SLC7A1: variants seen among roughly 807,000 people sequenced by gnomAD.
The protein encoded by SLC7A1 is high affinity cationic amino acid transporter 1.
Under a neutral mutation model 53.9 loss-of-function variants are expected in SLC7A1, and 10 were observed. The ratio of observed to expected loss-of-function variants is 0.19; its 90% CI spans 0.11 to 0.31. The LOEUF (loss-of-function observed/expected upper bound fraction) is 0.31. Ranked by LOEUF, SLC7A1 falls within the 10% of genes least tolerant of loss-of-function variation. The pLI is 1.00. For synonymous variants in SLC7A1, 342 were observed against 338.7 expected (o/e 1.01, Z -0.11); for missense variants, 525 against 827.2 (o/e 0.63, Z 4.48).
intron 1 of SLC7A1, among the ~76,000 whole-genome samples, chr13:29,558,672 AG>A (rs1309678254): frequency 5.2e-4 from 3 of 5,724 alleles, no homozygotes; most frequent in African/African-American, 1.7e-3. Context: ...AATGTGAGTG[AG>A]GGGGAGTGAA....
intron 1 of SLC7A1, among the ~76,000 whole-genome samples, chr13:29,590,717 G>T (rs558413611): frequency 6.6e-6 from 1 of 152,266 alleles, no homozygotes; most frequent in South Asian, 2.1e-4. Context: ...GACTATGTCT[G>T]CCCCTTCTAA....
intron 2 of SLC7A1, among the ~76,000 whole-genome samples, chr13:29,536,960 G>A (rs1315311802): frequency 6.6e-6 from 1 of 152,210 alleles, no homozygotes; most frequent in East Asian, 1.9e-4. Flanking sequence ...ACCCTCACAT[G>A]GGACATGCCC....
chr13:29,520,123 A>T (rs1240984808), intron 8 of SLC7A1, among the ~76,000 whole-genome samples: 1 of 151,802 alleles, frequency 6.6e-6, no homozygotes, highest in Non-Finnish European at 1.5e-5. Context: ...CATCTCATCC[A>T]TCTATCTATC....
chr13:29,550,588 G>A (rs1336623652), intron 2 of SLC7A1, among the ~76,000 whole-genome samples: 3 of 152,208 alleles, frequency 2.0e-5, no homozygotes, highest in African/African-American at 7.2e-5. Context: ...CAGCCTGCAT[G>A]TCGGCCAAAA....
intron 1 of SLC7A1, among the ~76,000 whole-genome samples, chr13:29,572,698 C>T (rs1871250946): frequency 6.6e-6 from 1 of 152,132 alleles, no homozygotes. Context: ...CGTTCTCTGC[C>T]CTAGTTTGTA....
chr13:29,576,662 T>C (rs1289947344), intron 1 of SLC7A1, among the ~76,000 whole-genome samples: 2 of 152,166 alleles, frequency 1.3e-5, no homozygotes, highest in East Asian at 1.9e-4. Context: ...CCTGTGGGCT[T>C]CCAGGACAAC....
chr13:29,562,496 AACTGGTAAGT>A (rs1870804360), intron 1 of SLC7A1, among the ~76,000 whole-genome samples: 1 of 152,220 alleles, frequency 6.6e-6, no homozygotes, highest in Admixed American at 6.5e-5. Context: ...AGGAATGTCC[AACTGGTAAGT>A]ATAATGCAAA....
At chr13:29,529,013 G>C (rs1379720267) in intron 5 of SLC7A1, among the ~76,000 whole-genome samples, 1 of 152,142 alleles carries the variant, frequency 6.6e-6, no homozygotes, top group South Asian at 2.1e-4. Flanking sequence ...CTAGCAACCG[G>C]TCGAATATGC....
intron 1 of SLC7A1, among the ~76,000 whole-genome samples, chr13:29,587,186 G>C (rs1871917766): frequency 6.6e-6 from 1 of 152,158 alleles, no homozygotes. Flanking sequence ...ACAAATGATG[G>C]GGAGCTGAGG....
At position 29,577,787 on chromosome 13, in the gene SLC7A1, A is replaced by G. The variant is rs567066589; in HGVS notation, c.-115+17629T>C. On this transcript the variant is annotated intron_variant, in intron 1 of 12. Coordinates refer to ENST00000380752, the MANE Select transcript of SLC7A1 (RefSeq NM_003045.5). ...GTGTCCTGTCTTTGGAGGAGCTCAC[A>G]AAGCAGGCTTTGTGGGCTGGCATGC... is the stretch of plus-strand genomic sequence containing the variant. Among the ~76,000 whole-genome samples the G allele has an allele frequency of 9.2e-5, 14 of 152,254 alleles. No individual in the cohort carries two copies. The East Asian group carries it at 2.5e-3, about 27-fold the overall frequency.
intron 2 of SLC7A1, among the ~76,000 whole-genome samples, chr13:29,537,890 C>T (rs960243192): frequency 5.9e-5 from 9 of 152,338 alleles, no homozygotes; most frequent in Admixed American, 2.6e-4. Flanking sequence ...CCGTGCCTAA[C>T]GACTTGAACA....
intron 1 of SLC7A1, chr13:29,586,648 C>T (rs770959157): frequency 6.6e-6 from 1 of 151,974 alleles, no homozygotes; most frequent in Non-Finnish European, 1.5e-5. Flanking sequence ...AAAGGAGAGA[C>T]ATCATTAAAT....
intron 1 of SLC7A1, among the ~76,000 whole-genome samples, chr13:29,563,589 C>G (rs142356576): frequency 6.6e-6 from 1 of 152,152 alleles, no homozygotes; most frequent in Non-Finnish European, 1.5e-5. Context: ...AGTTTCCCAT[C>G]GCAATGAATC....
intron 1 of SLC7A1, among the ~76,000 whole-genome samples, chr13:29,581,504 C>T (rs1871645131): frequency 6.6e-6 from 1 of 152,220 alleles, no homozygotes. Context: ...CTTCAGCACC[C>T]CGTTACCTTT....
intron 1 of SLC7A1, among the ~76,000 whole-genome samples, chr13:29,592,889 G>A (rs1353658816): frequency 6.6e-6 from 1 of 152,058 alleles, no homozygotes; most frequent in Non-Finnish European, 1.5e-5. Context: ...TGTATGGAGG[G>A]TCTCCATCCC....
Position 29,532,804 on chromosome 13 carries a change from T to C in SLC7A1, c.529+20A>G. 6.2e-7 allele frequency: 1 copy of C among 1,604,492 alleles called. No individual in the cohort carries two copies. Among genetic ancestry groups the C allele is most frequent in the South Asian group, 1.1e-5 (1 of 90,064 alleles). Reference sequence around the variant, plus strand: ...TTGCCCATCACTCTGACCCGATCTCTTTTTAAGTGTGGGCTTTACCTGTCA... The same window carrying C: ...TTGCCCATCACTCTGACCCGATCTCCTTTTAAGTGTGGGCTTTACCTGTCA... On this transcript the variant is annotated intron_variant, in intron 4 of 12. Transcript: ENST00000380752.
intron 2 of SLC7A1, among the ~76,000 whole-genome samples, chr13:29,544,952 C>T (rs1869848665): frequency 6.6e-6 from 1 of 151,618 alleles, no homozygotes; most frequent in Non-Finnish European, 1.5e-5. Context: ...TCCTGATCAT[C>T]CTTCTATGCC....
chr13:29,527,489 T>A (rs951750428), intron 5 of SLC7A1, among the ~76,000 whole-genome samples: 15 of 152,264 alleles, frequency 9.9e-5, no homozygotes, highest in Non-Finnish European at 1.5e-4. Flanking sequence ...TCTCTTTCTA[T>A]GTAATCAATA....
intron 1 of SLC7A1, among the ~76,000 whole-genome samples, chr13:29,583,350 TTTCC>T (rs1275975806): frequency 1.3e-5 from 2 of 152,260 alleles, no homozygotes; most frequent in African/African-American, 4.8e-5. Context: ...AAACCCATGC[TTTCC>T]CTCTGTCCCT....
Sources: gnomAD v4.1 joint callset for allele counts (sites outside exome capture counted in the v4.1 genomes callset) on GRCh38, gnomAD v4.1.1 for gene constraint, MANE v1.5 for transcripts, NCBI Gene and HGNC (gene_info 2026-07-23, HGNC 2026-07-21) for gene names.